The following TMEM232 variants were observed in gnomAD, a reference collection of about 807,000 sequenced individuals.
The protein encoded by TMEM232 is transmembrane protein 232.
Under a neutral mutation model 78.8 loss-of-function variants are expected in TMEM232, and 80 were observed. The ratio of observed to expected loss-of-function variants is 1.01; its 90% CI spans 0.85 to 1.22. The LOEUF (loss-of-function observed/expected upper bound fraction) is 1.22. Among genes scored for constraint, TMEM232 ranks in the 50% most tolerant of loss-of-function variants. The pLI is 0.00. For missense variants in TMEM232, 881 were observed against 742.2 expected (o/e 1.19, Z -2.17); for synonymous variants, 297 against 254.3 (o/e 1.17, Z -1.60).
intron 12 of TMEM232, among the ~76,000 whole-genome samples, chr5:110,441,247 A>G (rs1759007596): frequency 6.6e-6 from 1 of 152,170 alleles, no homozygotes; most frequent in African/African-American, 2.4e-5. Flanking sequence ...TGTCAGTAAC[A>G]TCCCCTACTA....
At chr5:110,394,442 G>T (rs911289994) in intron 3 of TMEM232, among the ~76,000 whole-genome samples, 6 of 152,170 alleles carry the variant, frequency 3.9e-5, no homozygotes, top group Non-Finnish European at 8.8e-5. Context: ...TCAATATACT[G>T]ATTTCCTTTC....
chr5:110,508,939 T>TGTATATATATAATTATATATAC (rs1561591028), intron 12 of TMEM232, among the ~76,000 whole-genome samples: 7 of 140,580 alleles, frequency 5.0e-5, no homozygotes, highest in African/African-American at 1.6e-4. Flanking sequence ...ATTATATATA[T>TGTATATATATAATTATATATAC]ACACACACAC....
intron 2 of TMEM232, among the ~76,000 whole-genome samples, chr5:110,664,666 G>A (rs1211156953): frequency 5.3e-5 from 8 of 152,338 alleles, no homozygotes; most frequent in African/African-American, 1.7e-4. Flanking sequence ...ATCCAAGATA[G>A]GGTGCCAGCA....
At chr5:110,695,221 G>A (rs1001441575) in intron 1 of TMEM232, among the ~76,000 whole-genome samples, 8 of 152,142 alleles carry the variant, frequency 5.3e-5, no homozygotes, top group East Asian at 1.9e-4. Context: ...ATAAAGAAAT[G>A]AAGGCAGAAA....
chr5:110,620,038 G>A (rs1783434103), intron 7 of TMEM232, among the ~76,000 whole-genome samples: 1 of 152,060 alleles, frequency 6.6e-6, no homozygotes, highest in African/African-American at 2.4e-5. Flanking sequence ...ATTCAATTAG[G>A]TCAACCATTC....
intron 10 of TMEM232, among the ~76,000 whole-genome samples, chr5:110,593,314 A>C (rs1366773438): frequency 6.6e-6 from 1 of 152,212 alleles, no homozygotes; most frequent in Non-Finnish European, 1.5e-5. Flanking sequence ...GAAAGACAAA[A>C]TGTCTTCCAA....
chr5:110,498,036 T>G, intron 12 of TMEM232, among the ~76,000 whole-genome samples: 1 of 152,122 alleles, frequency 6.6e-6, no homozygotes, highest in East Asian at 1.9e-4. Flanking sequence ...ATACTTTTAA[T>G]GCCTCATAAC....
At chr5:110,482,951 G>A (rs947471311) in intron 12 of TMEM232, among the ~76,000 whole-genome samples, 4 of 152,124 alleles carry the variant, frequency 2.6e-5, no homozygotes, top group African/African-American at 9.7e-5. Flanking sequence ...GGATGAAAAT[G>A]AGCAGACACT....
intron 12 of TMEM232, among the ~76,000 whole-genome samples, chr5:110,528,308 TTGAA>T (rs1394525694): frequency 6.6e-6 from 1 of 151,914 alleles, no homozygotes; most frequent in Non-Finnish European, 1.5e-5. Context: ...ATTTTGAATA[TTGAA>T]TGATTTGGTT....
intron 10 of TMEM232, among the ~76,000 whole-genome samples, chr5:110,572,870 C>T (rs745977828): frequency 1.9e-4 from 29 of 152,158 alleles, no homozygotes; most frequent in South Asian, 4.1e-4. Flanking sequence ...AAGTAGACCA[C>T]ATTCTAATTT....
intron 11 of TMEM232, among the ~76,000 whole-genome samples, chr5:110,557,240 T>C (rs1775206089): frequency 6.6e-6 from 1 of 152,210 alleles, no homozygotes; most frequent in Admixed American, 6.5e-5. Context: ...TTGTTCTTTC[T>C]TAAAACGGCT....
chr5:110,559,184 A>C (rs1361755386), intron 11 of TMEM232, among the ~76,000 whole-genome samples: 2 of 152,130 alleles, frequency 1.3e-5, no homozygotes, highest in African/African-American at 4.8e-5. Context: ...ATATTACACA[A>C]AAAAAATCAA....
intron 1 of TMEM232, among the ~76,000 whole-genome samples, chr5:110,674,350 T>C (rs1311155711): frequency 1.3e-5 from 2 of 152,154 alleles, no homozygotes; most frequent in Admixed American, 6.5e-5. Flanking sequence ...ATTATGAAGG[T>C]AAAAATGTTT....
chr5:110,730,984 T>G (rs1055760969), upstream of TMEM232, among the ~76,000 whole-genome samples: 7 of 152,222 alleles, frequency 4.6e-5, no homozygotes, highest in Non-Finnish European at 1.0e-4. Context: ...CTTATGCCTA[T>G]GAGCCTGTAA....
intron 5 of TMEM232, among the ~76,000 whole-genome samples, chr5:110,630,858 C>A (rs186851857): frequency 6.6e-6 from 1 of 152,028 alleles, no homozygotes; most frequent in African/African-American, 2.4e-5. Context: ...CCATGGACTG[C>A]GGCAATCTGA....
intron 11 of TMEM232, among the ~76,000 whole-genome samples, chr5:110,544,901 C>T (rs1025825464): frequency 6.6e-6 from 1 of 151,984 alleles, no homozygotes; most frequent in Non-Finnish European, 1.5e-5. Flanking sequence ...TTTGTCTGCA[C>T]TTTATGGTTT....
At chr5:110,542,650 CAG>C (rs1491432085) in intron 11 of TMEM232, among the ~76,000 whole-genome samples, 1 of 151,908 alleles carries the variant, frequency 6.6e-6, no homozygotes, top group African/African-American at 2.4e-5. Flanking sequence ...TTGTGTCTCT[CAG>C]GGGGGAAATG....
intron 12 of TMEM232, among the ~76,000 whole-genome samples, chr5:110,453,205 T>A (rs556427909): frequency 1.3e-5 from 2 of 152,334 alleles, no homozygotes; most frequent in East Asian, 3.9e-4. Context: ...ACTCGTTCCC[T>A]GTAATCTGTT....
At chr5:110,568,303 A>AGT (rs1776562631) in intron 11 of TMEM232, 144 bp downstream of exon 11, 1 of 806,518 alleles carries the variant, frequency 1.2e-6, no homozygotes, top group Non-Finnish European at 1.8e-6. Flanking sequence ...AAAATAGATC[A>AGT]GTGTTAAGTT....
Sources: gnomAD v4.1 joint callset for allele counts (sites outside exome capture counted in the v4.1 genomes callset) on GRCh38, gnomAD v4.1.1 for gene constraint, MANE v1.5 for transcripts, NCBI Gene and HGNC (gene_info 2026-07-23, HGNC 2026-07-21) for gene names.